The following POLK variants were observed in gnomAD, a reference collection of about 807,000 sequenced individuals.
POLK encodes DNA polymerase kappa, also known as polymerase (DNA directed) kappa.
A neutral mutation model predicts 94.0 loss-of-function variants in POLK; 76 were observed. The observed-to-expected ratio is 0.81, with a 90% CI of 0.67 to 0.98. The LOEUF is 0.98. Among genes scored for constraint, POLK ranks in the 50% least tolerant of loss-of-function variants. The probability of loss-of-function intolerance (pLI) is 0.00; values close to 1 mark genes in which losing one functional copy is unlikely to be tolerated. For missense variants in POLK, 954 were observed against 1,010.1 expected (o/e 0.94, Z 0.75); for synonymous variants, 349 against 325.4 (o/e 1.07, Z -0.78).
In POLK at chr5:75,595,821, G is replaced by A. The variant is rs568280008; in HGVS notation, c.1529-401G>A. 6.6e-5 allele frequency among the ~76,000 whole-genome samples: 10 copies of A among 152,230 alleles called. No individual in the cohort carries two copies. The South Asian group carries it at 2.1e-3, about 32-fold the overall frequency. ...GTTGGGGTGGTGGAGGGGTGTGCAT[G>A]TGTAGGGAAAGGGGATCTTTGGGAA... On this transcript the variant is annotated intron_variant, in intron 12 of 14. Coordinates refer to ENST00000241436, the Ensembl canonical transcript of POLK.
chr5:75,525,853 T>C (rs1768814934), intron 1 of POLK, among the ~76,000 whole-genome samples: 2 of 152,238 alleles, frequency 1.3e-5, no homozygotes, highest in African/African-American at 2.4e-5. Flanking sequence ...GTATTTGGCA[T>C]ACTGATTAAG....
chr5:75,561,490 T>G (rs1324810886), intron 3 of POLK, among the ~76,000 whole-genome samples: 1 of 152,246 alleles, frequency 6.6e-6, no homozygotes, highest in Non-Finnish European at 1.5e-5. Context: ...TATTCTGCTG[T>G]GCAGAAGCTC....
chr5:75,550,660 A>G (rs1460124229), intron 2 of POLK, among the ~76,000 whole-genome samples: 1 of 152,156 alleles, frequency 6.6e-6, no homozygotes, highest in Non-Finnish European at 1.5e-5. Flanking sequence ...AAAAAACCAC[A>G]CGATCATCTT....
intron 1 of POLK, among the ~76,000 whole-genome samples, chr5:75,518,010 T>A (rs1768399383): frequency 6.6e-6 from 1 of 152,222 alleles, no homozygotes; most frequent in East Asian, 1.9e-4. Flanking sequence ...ATGAAGGATC[T>A]TATTAATGTG....
intron 1 of POLK, among the ~76,000 whole-genome samples, chr5:75,545,012 T>C (rs1769937877): frequency 6.6e-6 from 1 of 152,204 alleles, no homozygotes; most frequent in Admixed American, 6.5e-5. Flanking sequence ...TTTAAAATAC[T>C]CCTATCTGGC....
intron 7 of POLK, 25 bp downstream of exon 7, chr5:75,581,473 A>C (rs762734291): frequency 6.3e-7 from 1 of 1,594,462 alleles, no homozygotes; most frequent in Admixed American, 1.7e-5. Flanking sequence ...ATTGATGGCC[A>C]CTGTAGTTAT....
intron 1 of POLK, among the ~76,000 whole-genome samples, chr5:75,520,963 C>T (rs933988195): frequency 1.3e-5 from 2 of 152,126 alleles, no homozygotes; most frequent in Non-Finnish European, 2.9e-5. Flanking sequence ...TTATTTGGTT[C>T]CCATTGTGGA....
chr5:75,532,458 CT>C lies in POLK; in HGVS notation c.-13-14540del, dbSNP rs745417117. Among the ~76,000 whole-genome samples, 506 of 146,232 alleles carry C rather than the reference CT, an allele frequency of 3.5e-3. 1 individual carries two copies. Among genetic ancestry groups the C allele is most frequent in the East Asian group, 0.028 (141 of 5,056 alleles). On this transcript the variant is annotated intron_variant, in intron 1 of 14. Coordinates refer to ENST00000241436, the Ensembl canonical transcript of POLK. ...AGTATTCCTTTGTGTATATGTACCA[CT>C]TTTTTTTTTTTAAATCCAGTCTACC...
chr5:75,596,579 G>A, exon 13 of POLK: 2 of 1,613,784 alleles, frequency 1.2e-6, no homozygotes, highest in Non-Finnish European at 1.7e-6. Flanking sequence ...GTTTGCTTTA[G>A]GGCTCAAGGG....
chr5:75,514,678 T>G (rs1224642301), intron 1 of POLK, among the ~76,000 whole-genome samples: 6 of 152,158 alleles, frequency 3.9e-5, no homozygotes, highest in South Asian at 4.1e-4. Context: ...ATACATAACT[T>G]TTAATACATA....
downstream of POLK, among the ~76,000 whole-genome samples, chr5:75,603,206 A>G (rs1773336623): frequency 6.6e-6 from 1 of 152,082 alleles, no homozygotes; most frequent in Non-Finnish European, 1.5e-5. Flanking sequence ...ATCCACTGCT[A>G]CCTCTGCCAA....
intron 1 of POLK, among the ~76,000 whole-genome samples, chr5:75,534,202 G>A (rs1395109689): frequency 6.6e-6 from 1 of 151,562 alleles, no homozygotes; most frequent in Non-Finnish European, 1.5e-5. Flanking sequence ...GAAGGCAGAG[G>A]TTGCAGTGAG....
intron 11 of POLK, among the ~76,000 whole-genome samples, chr5:75,590,939 A>G (rs927507308): frequency 6.6e-6 from 1 of 152,196 alleles, no homozygotes; most frequent in Non-Finnish European, 1.5e-5. Flanking sequence ...TTGCTATTTT[A>G]TAATCTTCAC....
intron 1 of POLK, among the ~76,000 whole-genome samples, chr5:75,546,099 A>G (rs1770006093): frequency 6.6e-6 from 1 of 152,190 alleles, no homozygotes; most frequent in African/African-American, 2.4e-5. Flanking sequence ...TCAAAAATTC[A>G]CATATAATTT....
chr5:75,596,703 C>T (rs1320129279), exon 13 of POLK: 1 of 1,613,836 alleles, frequency 6.2e-7, no homozygotes, highest in East Asian at 2.2e-5. Context: ...CCAAAGTTAA[C>T]AAGAAAGAAA....
At chr5:75,521,258 T>C (rs899242564) in intron 1 of POLK, among the ~76,000 whole-genome samples, 2 of 152,206 alleles carry the variant, frequency 1.3e-5, no homozygotes, top group Non-Finnish European at 2.9e-5. Flanking sequence ...GGTGATTTTC[T>C]ATATCTTCTA....
exon 15 of POLK, chr5:75,600,975 G>A (rs758050137): frequency 6.6e-6 from 1 of 152,160 alleles, no homozygotes; most frequent in Non-Finnish European, 1.5e-5. Flanking sequence ...GTACAGCAGT[G>A]TGATTGGGGA....
At chr5:75,582,018 T>C in intron 7 of POLK, 1 of 985,822 alleles carries the variant, frequency 1.0e-6, no homozygotes, top group Non-Finnish European at 1.2e-6. Context: ...GCACAAAATA[T>C]ATTTTTATTG....
At chr5:75,595,286 A>G (rs2112889350) in intron 12 of POLK, among the ~76,000 whole-genome samples, 2 of 150,108 alleles carry the variant, frequency 1.3e-5, no homozygotes, top group South Asian at 2.1e-4. Context: ...CCAAGAGCAG[A>G]TATCTATAGA....
Sources: gnomAD v4.1 joint callset for allele counts (sites outside exome capture counted in the v4.1 genomes callset) on GRCh38, gnomAD v4.1.1 for gene constraint, MANE v1.5 for transcripts, NCBI Gene and HGNC (gene_info 2026-07-23, HGNC 2026-07-21) for gene names.